TIAM2: variants seen among roughly 807,000 people sequenced by gnomAD.
TIAM2 encodes the protein rho guanine nucleotide exchange factor TIAM2.
TIAM2 carries 80 observed loss-of-function variants against 152.9 expected under a neutral mutation model. The ratio of observed to expected loss-of-function variants is 0.52; its 90% CI spans 0.44 to 0.63. The LOEUF (loss-of-function observed/expected upper bound fraction) is 0.63. TIAM2 is among the 30% of genes least tolerant of loss of function. The probability of loss-of-function intolerance (pLI) is 0.00; values close to 1 mark genes in which losing one functional copy is unlikely to be tolerated. For missense variants in TIAM2, 1,965 were observed against 2,120.1 expected, an observed-to-expected ratio of 0.93 and a Z score of 1.44; for synonymous variants, 804 against 838.0, an observed-to-expected ratio of 0.96 and a Z score of 0.70.
intron 15 of TIAM2, among the ~76,000 whole-genome samples, chr6:155,239,873 C>T (rs1051197854): frequency 3.3e-5 from 5 of 152,226 alleles, no homozygotes; most frequent in African/African-American, 4.8e-5. Flanking sequence ...GTGCGCTCTG[C>T]AGGGCTCTGC....
intron 1 of TIAM2, among the ~76,000 whole-genome samples, chr6:155,088,309 G>A (rs558513563): frequency 6.6e-6 from 1 of 151,980 alleles, no homozygotes; most frequent in Non-Finnish European, 1.5e-5. Flanking sequence ...TCGAACTCAC[G>A]ACCTCAGGTG....
At chr6:154,999,652 G>A (rs767365058) in intron 1 of TIAM2, among the ~76,000 whole-genome samples, 4 of 152,024 alleles carry the variant, frequency 2.6e-5, no homozygotes, top group Non-Finnish European at 4.4e-5. Context: ...AAATGTCACC[G>A]GCCTCAGTTT....
chr6:155,030,178 AT>A (rs748398720), intron 1 of TIAM2, among the ~76,000 whole-genome samples: 4 of 152,110 alleles, frequency 2.6e-5, no homozygotes, highest in Non-Finnish European at 5.9e-5. Flanking sequence ...ACTTTCTGAA[AT>A]TACGGAGTTT....
intron 1 of TIAM2, among the ~76,000 whole-genome samples, chr6:155,065,435 T>C (rs1777672239): frequency 6.6e-6 from 1 of 152,186 alleles, no homozygotes; most frequent in African/African-American, 2.4e-5. Context: ...TTCCTTTTTG[T>C]AATTTCAACT....
intron 9 of TIAM2, among the ~76,000 whole-genome samples, chr6:155,172,869 CA>C (rs1780664744): frequency 6.6e-6 from 1 of 150,398 alleles, no homozygotes; most frequent in Non-Finnish European, 1.5e-5. Context: ...CAGATGGCTC[CA>C]TTTTTAATGC....
chr6:155,106,439 G>A (rs909719931), intron 2 of TIAM2, among the ~76,000 whole-genome samples: 8 of 152,230 alleles, frequency 5.3e-5, no homozygotes, highest in East Asian at 1.9e-4. Context: ...AAAGCACCAC[G>A]TTGGGGTAAC....
intron 14 of TIAM2, among the ~76,000 whole-genome samples, chr6:155,191,393 C>T (rs566906176): frequency 5.3e-5 from 8 of 152,328 alleles, no homozygotes; most frequent in Non-Finnish European, 7.4e-5. Flanking sequence ...GTGTTGAATA[C>T]GCAGATACAT....
intron 5 of TIAM2, 94 bp downstream of exon 5, chr6:155,137,706 G>C (rs1388538448): frequency 7.3e-7 from 1 of 1,366,134 alleles, no homozygotes; most frequent in African/African-American, 1.4e-5. Context: ...ATTGATTTGA[G>C]TTCACATGAG....
chr6:155,230,788 T>A (rs1032378922), intron 15 of TIAM2, among the ~76,000 whole-genome samples: 1 of 150,718 alleles, frequency 6.6e-6, no homozygotes, highest in African/African-American at 2.4e-5. Flanking sequence ...TTTATATAAG[T>A]AAATATACAT....
At chr6:155,148,012 C>A in intron 6 of TIAM2, 98 bp from the exon 7 acceptor site, 1 of 1,208,046 alleles carries the variant, frequency 8.3e-7, no homozygotes, top group Non-Finnish European at 1.2e-6. Context: ...AGTGCAAGTA[C>A]TTCTTGGGTT....
In TIAM2 at chr6:155,130,239, T is replaced by C. The variant is rs781358484; in HGVS notation, c.1016T>C (p.Ile339Thr). 1 of 1,614,184 alleles carries C rather than the reference T, an allele frequency of 6.2e-7. No homozygotes were observed. Among genetic ancestry groups the C allele is most frequent in the Admixed American group, 1.7e-5 (1 of 60,020 alleles). ...LSNRVSFASD[I>T]DVPSRVAHGD... ...AACCGTGTCTCTTTTGCTTCCGACA[T>C]TGATGTGCCCTCCAGAGTGGCACAC... The change falls in exon 4 of 27, where the codon ATT becomes ACT. Residue 339 changes from isoleucine to threonine, a missense_variant. Transcript: ENST00000682666.
chr6:155,028,099 A>G (rs1173775793), intron 1 of TIAM2, among the ~76,000 whole-genome samples: 1 of 114,416 alleles, frequency 8.7e-6, no homozygotes, highest in Non-Finnish European at 1.7e-5. Flanking sequence ...TATATACTAT[A>G]TATAATATAT....
chr6:155,111,954 T>A (rs1258176252), intron 2 of TIAM2, among the ~76,000 whole-genome samples: 1 of 152,126 alleles, frequency 6.6e-6, no homozygotes, highest in African/African-American at 2.4e-5. Context: ...TCCACCCCAT[T>A]CTGCCCTTGT....
intron 14 of TIAM2, among the ~76,000 whole-genome samples, chr6:155,184,028 A>T (rs1051507547): frequency 6.6e-6 from 1 of 152,038 alleles, no homozygotes; most frequent in African/African-American, 2.4e-5. Context: ...TCACTCTGTC[A>T]CCCAGGCTGG....
Position 155,017,044 on chromosome 6 carries a change from T to A in TIAM2, c.-209+21552T>A, listed in dbSNP as rs77968893. On this transcript the variant is annotated intron_variant, in intron 1 of 26. Transcript: ENST00000682666. ...TCTGATGTAGATGACAGAGAATTAA[T>A]ATGTCAGTAAACAGAGCAGGAACTC... Among the ~76,000 whole-genome samples the A allele has an allele frequency of 5.2e-3, 789 of 152,310 alleles. 5 individuals carry two copies. The highest frequency in any genetic ancestry group is 0.018 in the African/African-American group (750 of 41,556).
rs1781796716 is a variant in TIAM2, at chr6:155,214,153, C to T, written c.3168+2846C>T. ...GAGGAGCACGAGGCTCCCGCCCTGC[C>T]ACTTCAGGATTGGGTGGGGCTTCCA... On this transcript the variant is annotated intron_variant, in intron 15 of 26. Coordinates refer to ENST00000682666, the MANE Select transcript of TIAM2 (RefSeq NM_012454.4). The surrounding 1 kb of genome is among the most constrained non-coding windows in gnomAD (Gnocchi z 5.4). 2.0e-5 allele frequency among the ~76,000 whole-genome samples: 3 copies of T among 152,258 alleles called. No homozygotes were observed. Among genetic ancestry groups the T allele is most frequent in the Admixed American group, 2.0e-4 (3 of 15,290 alleles).
At chr6:155,139,628 G>C (rs1779643297) in intron 5 of TIAM2, among the ~76,000 whole-genome samples, 2 of 152,138 alleles carry the variant, frequency 1.3e-5, no homozygotes, top group Non-Finnish European at 2.9e-5. Flanking sequence ...GACAGGATAG[G>C]GAAATGTGGC....
intron 15 of TIAM2, among the ~76,000 whole-genome samples, chr6:155,235,499 G>C (rs994627255): frequency 3.3e-5 from 5 of 152,228 alleles, no homozygotes; most frequent in African/African-American, 1.2e-4. Flanking sequence ...GGTTCACCCA[G>C]AATGTCCCTC....
intron 2 of TIAM2, among the ~76,000 whole-genome samples, chr6:155,110,621 T>G (rs1167741412): frequency 6.6e-6 from 1 of 152,204 alleles, no homozygotes; most frequent in Non-Finnish European, 1.5e-5. Context: ...ATTGGTTTTC[T>G]TTGGTTTATA....
Sources: allele counts gnomAD v4.1 joint callset (sites outside exome capture counted in the v4.1 genomes callset), GRCh38; gene constraint gnomAD v4.1.1; non-coding constraint Gnocchi (gnomAD v3.1); transcripts MANE v1.5; gene names NCBI Gene and HGNC (gene_info 2026-07-23, HGNC 2026-07-21).